The following INTS2 variants were observed in gnomAD, a reference collection of about 807,000 sequenced individuals.
The protein encoded by INTS2 is KIAA1287.
INTS2 carries 57 observed loss-of-function variants against 139.6 expected under a neutral mutation model. That is an observed-to-expected ratio of 0.41 (90% CI 0.33 to 0.51). The LOEUF (loss-of-function observed/expected upper bound fraction) is 0.51. Among genes scored for constraint, INTS2 ranks in the 20% least tolerant of loss-of-function variants. The pLI, the probability that INTS2 is intolerant of heterozygous loss-of-function variation, is 0.28. For synonymous variants in INTS2, 473 were observed against 493.4 expected (o/e 0.96, Z 0.55); for missense variants, 1,196 against 1,436.7 (o/e 0.83, Z 2.71).
intron 17 of INTS2, among the ~76,000 whole-genome samples, chr17:61,880,784 A>AG (rs1453337055): frequency 8.0e-6 from 1 of 124,464 alleles, no homozygotes; most frequent in Non-Finnish European, 1.6e-5. Context: ...AAAGGGGGAA[A>AG]GGGGGAAAGG....
In INTS2 at chr17:61,866,869, T is replaced by C. The variant is rs1202145053; in HGVS notation, c.*688A>G. 2.6e-5 allele frequency: 4 copies of C among 152,186 alleles called. No homozygotes were observed. The highest frequency in any genetic ancestry group is 5.9e-5 in the Non-Finnish European group (4 of 68,020). The allele number at this position is 152,186 out of a possible 1,614,324, so 9.4% of individuals were successfully genotyped here. On this transcript the variant is annotated 3_prime_UTR_variant, in exon 25 of 25. Transcript: ENST00000251334. The stretch of plus-strand genomic sequence containing the variant: ...CCAGTATCTTAAAATTCCAAATTAT[T>C]CAAGTATCTCTTTAAACATATGGCT...
At position 61,870,523 on chromosome 17, in the gene INTS2, A is replaced by T. The variant is rs1280379983; in HGVS notation, c.2779-535T>A. ...CTGCACAACTCATTGCTCAGTCTAC[A>T]GGCTTGAGCATCATTGCACAGAGCA... On this transcript the variant is annotated intron_variant, in intron 20 of 24. Transcript: ENST00000251334. This position sits in a 1 kb window ranked among gnomAD's most constrained non-coding sequence, Gnocchi z 4.4. 1.3e-5 allele frequency among the ~76,000 whole-genome samples: 2 copies of T among 152,192 alleles called. No individual in the cohort carries two copies. Among genetic ancestry groups the T allele is most frequent in the African/African-American group, 4.8e-5 (2 of 41,430 alleles).
chr17:61,895,550 T>C (rs1367722823), intron 11 of INTS2, among the ~76,000 whole-genome samples, 167 bp from the exon 12 acceptor site: 1 of 152,162 alleles, frequency 6.6e-6, no homozygotes, highest in African/African-American at 2.4e-5. Flanking sequence ...GTGTTAATAC[T>C]CAAAAACAGA....
At position 61,891,493 on chromosome 17, in the gene INTS2, T is replaced by C. The variant is rs1327155388; in HGVS notation, c.1875+20A>G. The stretch of plus-strand genomic sequence containing the variant: ...TAAAAGAAAAATAAGTTAATAGATA[T>C]AAAAGAACCACTATTTTACCCCAAT... On this transcript the variant is annotated intron_variant, in intron 14 of 24. Coordinates refer to ENST00000251334, the MANE Select transcript of INTS2 (RefSeq NM_001351695.2). 3.2e-6 allele frequency: 5 copies of C among 1,568,024 alleles called. No individual in the cohort carries two copies. In the South Asian group the frequency reaches 4.6e-5, roughly 14 times the overall value.
chr17:61,905,094 C>G (rs889586324), intron 8 of INTS2, among the ~76,000 whole-genome samples: 5 of 151,682 alleles, frequency 3.3e-5, no homozygotes, highest in African/African-American at 9.7e-5. Context: ...CACAGGTATG[C>G]GCCACCATGC....
intron 3 of INTS2, among the ~76,000 whole-genome samples, chr17:61,923,496 A>C (rs1053101200): frequency 1.3e-5 from 2 of 151,454 alleles, no homozygotes; most frequent in African/African-American, 2.4e-5. Flanking sequence ...AAAAAAAAAA[A>C]AAAAAACTAT....
At chr17:61,888,566 T>TGCGTGC (rs149492325) in intron 15 of INTS2, among the ~76,000 whole-genome samples, 4,604 of 143,702 alleles carry the variant, frequency 0.032, 238 homozygotes, top group African/African-American at 0.12. Flanking sequence ...TGTGCGTGCG[T>TGCGTGC]GTGTGTGTGT....
intron 5 of INTS2, among the ~76,000 whole-genome samples, chr17:61,914,569 G>A (rs540308636): frequency 1.3e-4 from 19 of 151,424 alleles, no homozygotes; most frequent in Non-Finnish European, 2.7e-4. Flanking sequence ...GCGTGGTGGT[G>A]GCGGGCGCCT....
intron 1 of INTS2, 26 bp from the exon 2 acceptor site, chr17:61,926,688 TAGG>T (rs2079718546): frequency 1.9e-6 from 3 of 1,558,464 alleles, no homozygotes; most frequent in African/African-American, 2.7e-5. Flanking sequence ...CAAATGAAAG[TAGG>T]AGTTTAACTT....
At chr17:61,901,661 G>A (rs971471997) in intron 9 of INTS2, among the ~76,000 whole-genome samples, 7 of 132,076 alleles carry the variant, frequency 5.3e-5, no homozygotes, top group Non-Finnish European at 9.2e-5. Flanking sequence ...GTGCAGTGGC[G>A]CAATCTCGGC....
chr17:61,908,599 A>C (rs1046266683), intron 7 of INTS2, among the ~76,000 whole-genome samples: 1 of 152,192 alleles, frequency 6.6e-6, no homozygotes, highest in African/African-American at 2.4e-5. Flanking sequence ...TAAACTATAC[A>C]GGGCTAGACA....
chr17:61,921,929 G>A (rs2079645954), intron 3 of INTS2, 102 bp from the exon 4 acceptor site: 2 of 631,022 alleles, frequency 3.2e-6, no homozygotes, highest in Non-Finnish European at 5.5e-6. Context: ...GTCTCTTAAT[G>A]TATCACTAAT....
chr17:61,904,808 G>C (rs758829670), intron 8 of INTS2, among the ~76,000 whole-genome samples: 1 of 152,120 alleles, frequency 6.6e-6, no homozygotes, highest in Non-Finnish European at 1.5e-5. Flanking sequence ...TTGCCCTGTA[G>C]TGTGAGACCA....
At chr17:61,917,529 C>G (rs904441668) in intron 5 of INTS2, among the ~76,000 whole-genome samples, 3 of 152,144 alleles carry the variant, frequency 2.0e-5, no homozygotes, top group African/African-American at 7.2e-5. Context: ...AACACAGAAA[C>G]AGAAAACCAA....
At chr17:61,913,286 A>C (rs899253081) in intron 5 of INTS2, among the ~76,000 whole-genome samples, 2 of 151,298 alleles carry the variant, frequency 1.3e-5, no homozygotes, top group Admixed American at 1.3e-4. Context: ...GGTTGCCGTG[A>C]GCCGAGCTCA....
rs1339860968 is a variant in INTS2 at position 61,872,200 on chromosome 17, AACTGATTAT to A, written c.2778+56_2778+64del. 9.4e-7 allele frequency: 1 copy of A among 1,059,338 alleles called. No individual in the cohort carries two copies. Among genetic ancestry groups the A allele is most frequent in the Non-Finnish European group, 1.4e-6 (1 of 719,714 alleles). The allele number at this position is 1,059,338 out of a possible 1,614,324, so 65.6% of individuals were successfully genotyped here. A position where few individuals can be genotyped will look rare whatever the true frequency, so the allele number is the denominator to read the frequency against. On this transcript the variant is annotated intron_variant, in intron 20 of 24. Coordinates refer to ENST00000251334, the MANE Select transcript of INTS2 (RefSeq NM_001351695.2). The surrounding 1 kb of genome is among the most constrained non-coding windows in gnomAD (Gnocchi z 4.8). ...GGAGCGCACAATGTGCCATCTATTG[AACTGATTAT>A]ACTAGTAGAGAAGCCCTTGCTCTTT...
Position 61,909,173 on chromosome 17 carries a change from G to A in INTS2, c.955-1539C>T, listed in dbSNP as rs535691514. Reference sequence around the variant, plus strand: ...TGTCACCAGGCTGGAGTGCAGTGGCGTGATCTCGGCTCACTGCAACCTCTG... The same window carrying A: ...TGTCACCAGGCTGGAGTGCAGTGGCATGATCTCGGCTCACTGCAACCTCTG... On this transcript the variant is annotated intron_variant, in intron 7 of 24. Transcript: ENST00000251334. The surrounding 1 kb of genome is among the most constrained non-coding windows in gnomAD (Gnocchi z 4.9). 2.5e-4 allele frequency among the ~76,000 whole-genome samples: 38 copies of A among 152,132 alleles called. No individual in the cohort carries two copies. Among genetic ancestry groups the A allele is most frequent in the African/African-American group, 7.7e-4 (32 of 41,510 alleles).
Position 61,925,078 on chromosome 17 carries a change from A to G in INTS2, c.315T>C (p.Ser105=), listed in dbSNP as rs367586845. The G allele has an allele frequency of 1.1e-4, 172 of 1,613,676 alleles. No homozygotes were observed. Among genetic ancestry groups the G allele is most frequent in the Non-Finnish European group, 1.4e-4 (161 of 1,179,754 alleles). Residue 105 remains serine (S), a synonymous_variant, in exon 3 of 25, where the codon AGT becomes AGC. Transcript: ENST00000251334. ...QQLRHKLGGG[S]GESILVSQLQ... ...GCTGTGATACCAGGATGCTCTCTCC[A>G]CTGCCTCCTCCAAGTTTATGCCTAA...
At chr17:61,905,461 G>T (rs186385431) in intron 8 of INTS2, among the ~76,000 whole-genome samples, 3 of 152,206 alleles carry the variant, frequency 2.0e-5, no homozygotes, top group Admixed American at 2.0e-4. Context: ...TGAGTAGCTG[G>T]GACTACAGGC....
Sources: gnomAD v4.1 joint callset for allele counts (sites outside exome capture counted in the v4.1 genomes callset) on GRCh38, gnomAD v4.1.1 for gene constraint, Gnocchi (gnomAD v3.1) non-coding constraint, MANE v1.5 for transcripts, NCBI Gene and HGNC (gene_info 2026-07-23, HGNC 2026-07-21) for gene names.